Variants in ADAM2 observed in about 807,000 individuals in gnomAD.
ADAM2 encodes the protein disintegrin and metalloproteinase domain-containing protein 2.
ADAM2 carries 101 observed loss-of-function variants against 99.3 expected under a neutral mutation model. The ratio of observed to expected loss-of-function variants is 1.02; its 90% confidence interval spans 0.87 to 1.20. The LOEUF (loss-of-function observed/expected upper bound fraction) is 1.20, where lower values mean the gene tolerates loss of function less well. ADAM2 is among the 50% of genes most tolerant of loss of function. The probability of loss-of-function intolerance (pLI) is 0.00; values close to 1 mark genes in which losing one functional copy is unlikely to be tolerated. For synonymous variants in ADAM2, 323 were observed against 287.6 expected (o/e 1.12, Z -1.25); for missense variants, 948 against 878.7 (o/e 1.08, Z -1.00).
At position 39,746,466 on chromosome 8, in the gene ADAM2, A is replaced by G. The variant is rs761552781; in HGVS notation, c.2174+6T>C. 6.5e-7 allele frequency: 1 copy of G among 1,540,638 alleles called. No individual in the cohort carries two copies. Among genetic ancestry groups the G allele is most frequent in the South Asian group, 1.2e-5 (1 of 80,468 alleles). ...ATAACAAATCTTAAATATGAAATCA[A>G]TATACTCATCGCTTGAATAGTCCTC... On this transcript the variant is annotated splice_donor_region_variant and intron_variant, in intron 19 of 20. Coordinates refer to ENST00000265708, the MANE Select transcript of ADAM2 (RefSeq NM_001464.5).
At chr8:39,786,039 A>C (rs1450699971) in intron 10 of ADAM2, among the ~76,000 whole-genome samples, 2 of 152,222 alleles carry the variant, frequency 1.3e-5, no homozygotes, top group African/African-American at 4.8e-5. Flanking sequence ...TATTATTCTA[A>C]GTGAATTAAC....
rs1023448912 is a variant in ADAM2 at position 39,777,533 on chromosome 8, G to A, written c.892-372C>T. 5.3e-4 allele frequency among the ~76,000 whole-genome samples: 80 copies of A among 152,066 alleles called. 1 individual carries two copies. The highest frequency in any genetic ancestry group is 1.9e-3 in the African/African-American group (77 of 41,432). The stretch of plus-strand genomic sequence containing the variant: ...AAATTTGGTCATTACCAGAGGCTGG[G>A]AAGGGTAGTACAAAGTGGGGGATAA... On this transcript the variant is annotated intron_variant, in intron 10 of 20. Coordinates refer to ENST00000265708, the MANE Select transcript of ADAM2 (RefSeq NM_001464.5).
chr8:39,767,943 C>T (rs957777298), intron 12 of ADAM2, among the ~76,000 whole-genome samples: 1 of 148,824 alleles, frequency 6.7e-6, no homozygotes, highest in African/African-American at 2.5e-5. Context: ...TTTTAAATAC[C>T]CAGAAATTTA....
intron 7 of ADAM2, among the ~76,000 whole-genome samples, chr8:39,797,934 C>A (rs956750885): frequency 1.3e-5 from 2 of 152,142 alleles, no homozygotes; most frequent in South Asian, 2.1e-4. Flanking sequence ...GTTGAAGAAG[C>A]TTTTGGGCTT....
At chr8:39,762,420 G>T (rs551250516) in intron 14 of ADAM2, among the ~76,000 whole-genome samples, 9 of 152,266 alleles carry the variant, frequency 5.9e-5, no homozygotes, top group African/African-American at 1.7e-4. Context: ...AAAGAAAGCC[G>T]CAATCTACAG....
In ADAM2 at chr8:39,759,274, A is replaced by C. The variant is rs185426127; in HGVS notation, c.1613+1902T>G. 7.9e-4 allele frequency among the ~76,000 whole-genome samples: 121 copies of C among 152,280 alleles called. 1 individual carries two copies. The highest frequency in any genetic ancestry group is 2.1e-3 in the East Asian group (11 of 5,182). On this transcript the variant is annotated intron_variant, in intron 15 of 20. Transcript: ENST00000265708. ...ATAAACATGCCAAAATGTATCACTT[A>C]CACATAATTATGAAAAATTTCAAAG...
Position 39,769,384 on chromosome 8 carries a change from G to T in ADAM2, c.1212+8C>A, listed in dbSNP as rs751259562. The T allele has an allele frequency of 3.1e-6, 5 of 1,606,854 alleles. No individual in the cohort carries two copies. In the South Asian group the frequency reaches 5.5e-5, roughly 18 times the overall value. On this transcript the variant is annotated splice_region_variant and intron_variant, in intron 12 of 20. Transcript: ENST00000265708. ...TTTCAGTGCGTAGTCTTCCGAATTAGTACCAACCTGTTCAGTCCCACAGTC... is the reference window on the plus strand; with the variant it reads ...TTTCAGTGCGTAGTCTTCCGAATTATTACCAACCTGTTCAGTCCCACAGTC...
At chr8:39,821,728 G>A in intron 4 of ADAM2, 66 bp from the exon 5 acceptor site, 2 of 1,126,428 alleles carry the variant, frequency 1.8e-6, no homozygotes, top group Non-Finnish European at 1.3e-6. Flanking sequence ...TTTCAAATAT[G>A]TAAAACATAT....
At position 39,758,878 on chromosome 8, in the gene ADAM2, TAAATA is replaced by T. The variant is rs202181019; in HGVS notation, c.1613+2293_1613+2297del. Among the ~76,000 whole-genome samples, 1,432 of 152,150 alleles carry T rather than the reference TAAATA, an allele frequency of 9.4e-3. 21 individuals are homozygous for T. Among genetic ancestry groups the T allele is most frequent in the African/African-American group, 0.032 (1,323 of 41,538 alleles). On this transcript the variant is annotated intron_variant, in intron 15 of 20. Transcript: ENST00000265708. Reference sequence around the variant, plus strand: ...ATGATAGTAATGTATTTTATCCTATTAAATAAAATAACAATTATTGTGTCTAAACT... The same window carrying T: ...ATGATAGTAATGTATTTTATCCTATTAAATAACAATTATTGTGTCTAAACT...
At chr8:39,822,747 T>C (rs903085513) in intron 4 of ADAM2, among the ~76,000 whole-genome samples, 1 of 147,002 alleles carries the variant, frequency 6.8e-6, no homozygotes, top group African/African-American at 2.5e-5. Flanking sequence ...TTGAGGTCTG[T>C]TTTTTTTTTG....
At chr8:39,807,583 C>A (rs1418619902) in intron 7 of ADAM2, among the ~76,000 whole-genome samples, 2 of 151,958 alleles carry the variant, frequency 1.3e-5, no homozygotes, top group Non-Finnish European at 2.9e-5. Flanking sequence ...AGGGGTGGGC[C>A]CCTCAAGATG....
chr8:39,762,457 A>G (rs1802406311), intron 14 of ADAM2, among the ~76,000 whole-genome samples: 1 of 152,224 alleles, frequency 6.6e-6, no homozygotes, highest in African/African-American at 2.4e-5. Context: ...GGCATCCAAG[A>G]GAAACTACTG....
chr8:39,837,702 A>C (rs1334890973), intron 1 of ADAM2, among the ~76,000 whole-genome samples: 4 of 152,084 alleles, frequency 2.6e-5, no homozygotes, highest in Non-Finnish European at 4.4e-5. Flanking sequence ...TTTAAAAAAG[A>C]AGTAGGTGTA....
intron 3 of ADAM2, among the ~76,000 whole-genome samples, chr8:39,827,819 T>C (rs996396211): frequency 6.6e-6 from 1 of 152,102 alleles, no homozygotes; most frequent in Non-Finnish European, 1.5e-5. Flanking sequence ...AAGTTGACTG[T>C]AGTTAGTAAT....
Position 39,788,265 on chromosome 8 carries a change from CA to C in ADAM2, c.643-15del, listed in dbSNP as rs1803561264. ...TGAAACAAAAATCTAAAATAGAAAA[CA>C]TACAAAAGTGTGCTCAAAAGTCACA... On this transcript the variant is annotated splice_polypyrimidine_tract_variant and intron_variant, in intron 8 of 20. Coordinates refer to ENST00000265708, the MANE Select transcript of ADAM2 (RefSeq NM_001464.5). 4 of 1,451,896 alleles carry C rather than the reference CA, an allele frequency of 2.8e-6. No individual in the cohort carries two copies. The South Asian group carries it at 4.3e-5, about 16-fold the overall frequency. 89.9% of individuals were successfully genotyped at this position (1,451,896 alleles called of 1,614,324 possible). A position where few individuals can be genotyped will look rare whatever the true frequency, so the allele number is the denominator to read the frequency against.
chr8:39,744,796 T>C (rs1456218363), intron 20 of ADAM2, 34 bp downstream of exon 20: 3 of 1,412,120 alleles, frequency 2.1e-6, no homozygotes, highest in East Asian at 2.3e-5. Flanking sequence ...GTACTTAAAG[T>C]AAAATAAATT....
intron 2 of ADAM2, among the ~76,000 whole-genome samples, chr8:39,836,078 C>T (rs1395197972): frequency 6.6e-5 from 10 of 151,966 alleles, no homozygotes; most frequent in Non-Finnish European, 1.5e-4. Flanking sequence ...AAATAATGAG[C>T]CTGATTAGTG....
chr8:39,831,235 A>G (rs527340792), intron 3 of ADAM2, among the ~76,000 whole-genome samples: 22 of 145,130 alleles, frequency 1.5e-4, no homozygotes, highest in African/African-American at 5.1e-4. Flanking sequence ...ATAGCATCAC[A>G]TGCAGAAATG....
At chr8:39,791,049 A>G (rs529998979) in intron 7 of ADAM2, among the ~76,000 whole-genome samples, 75 of 151,564 alleles carry the variant, frequency 4.9e-4, no homozygotes, top group African/African-American at 1.7e-3. Flanking sequence ...TAATTATAAC[A>G]CTTACAATTT....
Sources: gnomAD v4.1 joint callset for allele counts (sites outside exome capture counted in the v4.1 genomes callset) on GRCh38, gnomAD v4.1.1 for gene constraint, MANE v1.5 for transcripts, NCBI Gene and HGNC (gene_info 2026-07-23, HGNC 2026-07-21) for gene names.